ABCD2: variants seen among roughly 807,000 people sequenced by gnomAD.
ABCD2 encodes the protein ATP-binding cassette sub-family D member 2.
A neutral mutation model predicts 70.9 loss-of-function variants in ABCD2; 36 were observed. That is an observed-to-expected ratio of 0.51 (90% confidence interval 0.39 to 0.67). The LOEUF (loss-of-function observed/expected upper bound fraction) is 0.67. Among genes scored for constraint, ABCD2 ranks in the 30% least tolerant of loss-of-function variants. The probability of loss-of-function intolerance (pLI) is 0.00; values close to 1 mark genes in which losing one functional copy is unlikely to be tolerated. For synonymous variants in ABCD2, 304 were observed against 306.9 expected, an observed-to-expected ratio of 0.99 and a Z score of 0.10; for missense variants, 729 against 890.2, an observed-to-expected ratio of 0.82 and a Z score of 2.30.
At chr12:39,561,282 A>G (rs540528886) in intron 9 of ABCD2, among the ~76,000 whole-genome samples, 6 of 151,780 alleles carry the variant, frequency 4.0e-5, no homozygotes, top group East Asian at 3.9e-4. Flanking sequence ...AATCCTAGCT[A>G]CTAAGGAGGC....
In ABCD2 at chr12:39,559,571, C is replaced by T. The variant is rs143180095; in HGVS notation, c.2004-5440G>A. Among the ~76,000 whole-genome samples, 971 of 151,664 alleles carry T rather than the reference C, an allele frequency of 6.4e-3. 28 individuals carry two copies. The highest frequency in any genetic ancestry group is 0.056 in the Admixed American group (848 of 15,218). ...CATACTCAATCCAAATAAGACTACC[C>T]GATGATATATTACAATCAAACTGCC... On this transcript the variant is annotated intron_variant, in intron 9 of 9. Coordinates refer to ENST00000308666, the MANE Select transcript of ABCD2 (RefSeq NM_005164.4).
the ABCD2 span, among the ~76,000 whole-genome samples, chr12:39,534,653 G>GA: frequency 1.5e-5 from 2 of 137,448 alleles, no homozygotes; most frequent in East Asian, 4.2e-4. Flanking sequence ...AAGAAAGAAA[G>GA]AAAAAAAGAA....
chr12:39,569,561 C>T (rs1239968801), intron 9 of ABCD2, among the ~76,000 whole-genome samples: 4 of 152,244 alleles, frequency 2.6e-5, no homozygotes, highest in Middle Eastern at 3.4e-3. Context: ...ATTCCCTGAC[C>T]CCTTGTGCAT....
Position 39,619,156 on chromosome 12 carries a change from C to T in ABCD2, c.460G>A (p.Ala154Thr). The T allele has an allele frequency of 1.2e-6, 2 of 1,614,194 alleles. No homozygotes were observed. The highest frequency in any genetic ancestry group is 1.7e-6 in the Non-Finnish European group (2 of 1,180,042). Residue 154 changes from alanine to threonine, a missense_variant, in exon 1 of 10, where the codon GCC (alanine) becomes ACC (threonine). Around this residue, in one of 3 missense-constraint regions of ABCD2, gnomAD observed 245 missense variants for 261.2 expected, o/e 0.94. Transcript: ENST00000308666. ...IIKLIKWLMIAIPATFVNSAI... is the reference protein window; with the variant it reads ...IIKLIKWLMITIPATFVNSAI... ...CTGTTGACGAAGGTAGCAGGGATGG[C>T]AATCATAAGCCACTTGATTAATTTG... is the stretch of plus-strand genomic sequence containing the variant.
intron 7 of ABCD2, among the ~76,000 whole-genome samples, chr12:39,580,356 A>C (rs886065678): frequency 1.3e-5 from 2 of 152,080 alleles, no homozygotes; most frequent in Non-Finnish European, 2.9e-5. Flanking sequence ...TTAACTGTTG[A>C]CTTTCTGTTT....
chr12:39,611,293 C>A (rs1190203259), intron 2 of ABCD2, among the ~76,000 whole-genome samples: 2 of 152,070 alleles, frequency 1.3e-5, no homozygotes, highest in African/African-American at 4.8e-5. Flanking sequence ...CACACTAATA[C>A]AAGATATAAG....
In ABCD2 at chr12:39,608,352, C is replaced by G. The variant is rs143047329; in HGVS notation, c.1121-638G>C. Among the ~76,000 whole-genome samples the G allele has an allele frequency of 1.1e-3, 161 of 152,178 alleles. 1 individual carries two copies. The highest frequency in any genetic ancestry group is 3.6e-3 in the African/African-American group (150 of 41,518). Reference sequence around the variant, plus strand: ...ATTTTCATTTAGCATTCTTTCAACCCTTTCCACTTGGACTCCCTGCCCTTA... The same window carrying G: ...ATTTTCATTTAGCATTCTTTCAACCGTTTCCACTTGGACTCCCTGCCCTTA... On this transcript the variant is annotated intron_variant, in intron 2 of 9. Coordinates refer to ENST00000308666, the MANE Select transcript of ABCD2 (RefSeq NM_005164.4).
intron 8 of ABCD2, among the ~76,000 whole-genome samples, chr12:39,576,152 T>TTTGTTG (rs547321277): frequency 6.6e-6 from 1 of 151,878 alleles, no homozygotes; most frequent in African/African-American, 2.4e-5. Context: ...CTGTAAAGTT[T>TTTGTTG]TTGTTGTTGT....
At chr12:39,570,584 A>G (rs1247656523) in intron 9 of ABCD2, among the ~76,000 whole-genome samples, 10 of 152,216 alleles carry the variant, frequency 6.6e-5, no homozygotes, top group Admixed American at 5.2e-4. Flanking sequence ...AACAAACTCA[A>G]AATGGATTAA....
At chr12:39,545,068 T>C (rs1326361849), downstream of ABCD2, among the ~76,000 whole-genome samples, 3 of 152,208 alleles carry the variant, frequency 2.0e-5, no homozygotes. Flanking sequence ...ACTATAGTTT[T>C]TCTTTTGAAG....
chr12:39,603,266 A>G (rs1416680784), intron 5 of ABCD2, among the ~76,000 whole-genome samples: 2 of 152,164 alleles, frequency 1.3e-5, no homozygotes, highest in East Asian at 1.9e-4. Flanking sequence ...TATGTCATTA[A>G]TGCTTGTCAG....
chr12:39,562,014 C>T (rs542548742), intron 9 of ABCD2, among the ~76,000 whole-genome samples: 2 of 151,976 alleles, frequency 1.3e-5, no homozygotes, highest in South Asian at 4.1e-4. Flanking sequence ...ATGATATAAA[C>T]CTAGAAATCA....
chr12:39,618,988 G>A lies in ABCD2; in HGVS notation c.628C>T (p.Leu210Phe). The change falls in exon 1 of 10, where the codon CTT becomes TTT. Residue 210 changes from leucine to phenylalanine, a missense_variant. By Grantham distance (22) the Leu-to-Phe change is conservative. Transcript: ENST00000308666. ...DGRLANPDQSLTEDIMMFSQS... is the reference protein window; with the variant it reads ...DGRLANPDQSFTEDIMMFSQS... ...GAGAACATCATAATATCCTCCGTAA[G>A]AGATTGGTCAGGGTTTGCCAGCCTC... is the stretch of plus-strand genomic sequence containing the variant. 6.2e-7 allele frequency: 1 copy of A among 1,614,228 alleles called. No individual in the cohort carries two copies.
At chr12:39,593,702 G>A (rs1012325993) in intron 6 of ABCD2, among the ~76,000 whole-genome samples, 5 of 152,116 alleles carry the variant, frequency 3.3e-5, no homozygotes, top group East Asian at 3.9e-4. Flanking sequence ...TGTTGCAAGC[G>A]ACAATCTCTT....
intron 6 of ABCD2, among the ~76,000 whole-genome samples, chr12:39,588,887 G>A (rs1318373556): frequency 6.6e-6 from 1 of 152,198 alleles, no homozygotes; most frequent in Non-Finnish European, 1.5e-5. Flanking sequence ...TGCAGTGCAT[G>A]ACAATGGATT....
chr12:39,579,252 C>G (rs1941563207), intron 8 of ABCD2, among the ~76,000 whole-genome samples: 1 of 152,166 alleles, frequency 6.6e-6, no homozygotes, highest in Non-Finnish European at 1.5e-5. Flanking sequence ...ATTCCAGCTA[C>G]TTGGGAGGCT....
chr12:39,546,779 G>A (rs1402486251), downstream of ABCD2, among the ~76,000 whole-genome samples: 1 of 152,022 alleles, frequency 6.6e-6, no homozygotes, highest in Non-Finnish European at 1.5e-5. Flanking sequence ...TGTCCTTGAA[G>A]CTAGATAGGG....
chr12:39,585,602 T>TA lies in ABCD2; in HGVS notation c.1792+549dup, dbSNP rs553730944. Among the ~76,000 whole-genome samples, 485 of 152,220 alleles carry TA rather than the reference T, an allele frequency of 3.2e-3. 6 individuals carry two copies. The highest frequency in any genetic ancestry group is 0.011 in the African/African-American group (475 of 41,528). On this transcript the variant is annotated intron_variant, in intron 7 of 9. Transcript: ENST00000308666. ...ACACAGAAAGAGTATTATTAGACAA[T>TA]AATTCTATTTTAAGCTTATATGTAC...
At chr12:39,584,524 A>G (rs1173164625) in intron 7 of ABCD2, among the ~76,000 whole-genome samples, 1 of 152,198 alleles carries the variant, frequency 6.6e-6, no homozygotes, top group East Asian at 1.9e-4. Context: ...AAATTTAATT[A>G]GATCTCACTT....
Sources: allele counts gnomAD v4.1 joint callset (sites outside exome capture counted in the v4.1 genomes callset), GRCh38; gene constraint gnomAD v4.1.1; regional missense constraint gnomAD v4.1.1; transcripts MANE v1.5; gene names NCBI Gene and HGNC (gene_info 2026-07-23, HGNC 2026-07-21).